Variants in RASGRP3 observed in about 807,000 individuals in gnomAD.
RASGRP3 encodes the protein ras guanyl-releasing protein 3.
RASGRP3 carries 54 observed loss-of-function variants against 82.7 expected under a neutral mutation model. That is an observed-to-expected ratio of 0.65 (90% CI 0.52 to 0.82). The LOEUF is 0.82. Among genes scored for constraint, RASGRP3 ranks in the 40% least tolerant of loss-of-function variants. RASGRP3 has a pLI of 0.00. For missense variants in RASGRP3, 861 were observed against 828.9 expected (o/e 1.04, Z -0.48); for synonymous variants, 309 against 300.5 (o/e 1.03, Z -0.29).
intron 2 of RASGRP3, among the ~76,000 whole-genome samples, chr2:33,450,135 A>G (rs949417903): frequency 6.6e-5 from 10 of 152,218 alleles, no homozygotes; most frequent in Admixed American, 2.0e-4. Context: ...AAAATTGTAT[A>G]TATTTATGAT....
In RASGRP3 at chr2:33,482,017, A is replaced by AT. The variant is rs1253707665; in HGVS notation, c.-261+5324dup. 3.1e-3 allele frequency: 410 copies of AT among 132,850 alleles called. 2 individuals carry two copies. Among genetic ancestry groups the AT allele is most frequent in the South Asian group, 7.9e-3 (32 of 4,070 alleles). The allele number at this position is 132,850 out of a possible 1,614,324, so 8.2% of individuals were successfully genotyped here. A position where few individuals can be genotyped will look rare whatever the true frequency, so the allele number is the denominator to read the frequency against. ...CTGTGCCTGGCTAGCTTAGGGTAAT[A>AT]TTTTTTTTTTTTTTGAGATGGAGTC... On this transcript the variant is annotated intron_variant, in intron 1 of 17. Coordinates refer to ENST00000403687, the MANE Select transcript of RASGRP3 (RefSeq NM_001139488.2).
rs1672584556 is a variant in RASGRP3, at chr2:33,526,509, C to G, written c.808-628C>G. On this transcript the variant is annotated intron_variant, in intron 9 of 17. Coordinates refer to ENST00000403687, the MANE Select transcript of RASGRP3 (RefSeq NM_001139488.2). ...CCAGATCTCAAGTAAAAAGCAAAAA[C>G]AAATTTTAAATGTTGTGAAGAATAA... Among the ~76,000 whole-genome samples, 9 of 152,270 alleles carry G rather than the reference C, an allele frequency of 5.9e-5. No individual in the cohort carries two copies. In the South Asian group the frequency reaches 1.7e-3, roughly 28 times the overall value.
In RASGRP3 at chr2:33,541,287, A is replaced by T. The variant is rs1167029212; in HGVS notation, c.1278+2077A>T. Among the ~76,000 whole-genome samples the T allele has an allele frequency of 2.0e-5, 3 of 147,280 alleles. 1 individual carries two copies. Among genetic ancestry groups the T allele is most frequent in the Non-Finnish European group, 4.6e-5 (3 of 65,726 alleles). ...GTCTTGGTAATTCTATTCTCCAAGG[A>T]TAACCACTGATCATTTGTAGATTAT... is the stretch of plus-strand genomic sequence containing the variant. On this transcript the variant is annotated intron_variant, in intron 12 of 17. Coordinates refer to ENST00000403687, the MANE Select transcript of RASGRP3 (RefSeq NM_001139488.2).
At chr2:33,535,783 G>C (rs1325354721) in intron 11 of RASGRP3, among the ~76,000 whole-genome samples, 1 of 152,206 alleles carries the variant, frequency 6.6e-6, no homozygotes, top group Non-Finnish European at 1.5e-5. Context: ...GAGTAAGAAA[G>C]CTAGCAAGAA....
Position 33,522,079 on chromosome 2 carries a change from C to G in RASGRP3, c.493C>G (p.His165Asp), listed in dbSNP as rs747803233. The change falls in exon 7 of 18, where the codon CAT (histidine) becomes GAT (aspartate). Residue 165 changes from histidine (H) to aspartate (D), a missense_variant. Coordinates refer to ENST00000403687, the MANE Select transcript of RASGRP3 (RefSeq NM_001139488.2). ...ELAEHLTFLE[H>D]KSFRRISFTD... ...GGCTGAGCACCTCACTTTTCTGGAG[C>G]ATAAATCTTTTAGAAGGATCTCAGT... The G allele has an allele frequency of 8.7e-6, 14 of 1,609,344 alleles. No homozygotes were observed. In the Admixed American group the frequency reaches 2.1e-4, roughly 24 times the overall value.
At chr2:33,547,449 G>C (rs1674908203) in intron 13 of RASGRP3, among the ~76,000 whole-genome samples, 1 of 139,068 alleles carries the variant, frequency 7.2e-6, no homozygotes, top group Non-Finnish European at 1.5e-5. Context: ...GGTAAGAAAG[G>C]GATCTTAAGT....
intron 1 of RASGRP3, among the ~76,000 whole-genome samples, chr2:33,486,421 G>A (rs1189627352): frequency 6.6e-6 from 1 of 152,046 alleles, no homozygotes; most frequent in Non-Finnish European, 1.5e-5. Flanking sequence ...GCCCACCTCG[G>A]CCTCCCAAAG....
intron 11 of RASGRP3, among the ~76,000 whole-genome samples, chr2:33,536,977 A>G (rs1390883041): frequency 6.6e-6 from 1 of 152,152 alleles, no homozygotes; most frequent in Admixed American, 6.5e-5. Context: ...AGCTCAGTGG[A>G]GAGTCAGGGT....
At chr2:33,452,101 C>T (rs984959699) in intron 2 of RASGRP3, among the ~76,000 whole-genome samples, 5 of 152,020 alleles carry the variant, frequency 3.3e-5, no homozygotes, top group African/African-American at 7.3e-5. Context: ...ATACCCTCAT[C>T]GAATCCCCTA....
At chr2:33,482,844 G>A (rs886078871) in intron 1 of RASGRP3, 1 of 152,170 alleles carries the variant, frequency 6.6e-6, no homozygotes, top group Non-Finnish European at 1.5e-5. Context: ...TGTGACAAGA[G>A]TCTCTCTTAT....
Position 33,549,671 on chromosome 2 carries a change from A to G in RASGRP3, c.1462A>G (p.Lys488Glu), listed in dbSNP as rs1172549288. 1.9e-6 allele frequency: 3 copies of G among 1,613,530 alleles called. No homozygotes were observed. The highest frequency in any genetic ancestry group is 2.5e-6 in the Non-Finnish European group (3 of 1,179,556). The change falls in exon 14 of 18, where the codon AAA becomes GAA. Residue 488 changes from lysine to glutamate, a missense_variant. Lys to Glu is a moderately conservative substitution (Grantham distance 56, BLOSUM62 1). Transcript: ENST00000403687. ...FLRAKSQLHC[K>E]MGPGFIHNFQ... ...GAGAGCTAAATCCCAACTACACTGT[A>G]AAATGGGACCAGGATTTATCCATAA...
At chr2:33,467,799 A>G (rs115004872) in intron 2 of RASGRP3, among the ~76,000 whole-genome samples, 1 of 152,198 alleles carries the variant, frequency 6.6e-6, no homozygotes, top group Non-Finnish European at 1.5e-5. Flanking sequence ...TCAGATAGGC[A>G]CAAAGGCCCA....
chr2:33,443,343 A>G (rs1048292193), intron 1 of RASGRP3, among the ~76,000 whole-genome samples: 2 of 152,166 alleles, frequency 1.3e-5, no homozygotes, highest in African/African-American at 4.8e-5. Flanking sequence ...CAATTAGGAA[A>G]CAGTTAAGTA....
At chr2:33,530,852 CT>C (rs35733354) in intron 10 of RASGRP3, 90,313 of 151,938 alleles carry the variant, frequency 0.59, 27,377 homozygotes, top group African/African-American at 0.71. Context: ...TGTATTGTTC[CT>C]TCCTTTCAGG....
intron 9 of RASGRP3, among the ~76,000 whole-genome samples, chr2:33,525,921 G>T (rs1007463966): frequency 1.3e-5 from 2 of 151,822 alleles, no homozygotes; most frequent in African/African-American, 2.4e-5. Context: ...CAGGTGCTCC[G>T]CCCGCCTCTG....
intron 9 of RASGRP3, among the ~76,000 whole-genome samples, chr2:33,525,059 C>T (rs376907369): frequency 1.1e-4 from 14 of 131,014 alleles, no homozygotes; most frequent in East Asian, 1.0e-3. Context: ...CCAACCTGGG[C>T]GATAGAGCGA....
intron 17 of RASGRP3, among the ~76,000 whole-genome samples, chr2:33,561,589 A>G (rs1161078067): frequency 2.6e-5 from 4 of 152,214 alleles, no homozygotes; most frequent in African/African-American, 4.8e-5. Flanking sequence ...TTGAATATGT[A>G]GACAAAGGAG....
chr2:33,510,374 T>G lies in RASGRP3; in HGVS notation c.-260-1336T>G, dbSNP rs146233401. Among the ~76,000 whole-genome samples the G allele has an allele frequency of 1.8e-3, 267 of 152,344 alleles. 1 individual carries two copies. Among genetic ancestry groups the G allele is most frequent in the African/African-American group, 6.2e-3 (259 of 41,592 alleles). On this transcript the variant is annotated intron_variant, in intron 1 of 17. Coordinates refer to ENST00000403687, the MANE Select transcript of RASGRP3 (RefSeq NM_001139488.2). ...CCAAGAGAAAGCTTCCCTGTCATTTTGGCATACTTCCTAGATACCGTCTGG... is the reference window on the plus strand; with the variant it reads ...CCAAGAGAAAGCTTCCCTGTCATTTGGGCATACTTCCTAGATACCGTCTGG...
At chr2:33,480,686 T>C (rs115045573) in intron 1 of RASGRP3, among the ~76,000 whole-genome samples, 1 of 152,282 alleles carries the variant, frequency 6.6e-6, no homozygotes, top group Non-Finnish European at 1.5e-5. Flanking sequence ...TTTTGCCCAA[T>C]TGTGTGTTTC....
Sources: allele counts gnomAD v4.1 joint callset (sites outside exome capture counted in the v4.1 genomes callset), GRCh38; gene constraint gnomAD v4.1.1; transcripts MANE v1.5; gene names NCBI Gene and HGNC (gene_info 2026-07-23, HGNC 2026-07-21).